The following EPM2A variants were observed in gnomAD, a reference collection of about 807,000 sequenced individuals.
The protein encoded by EPM2A is EPM2A glucan phosphatase, laforin, also known as laforin.
A neutral mutation model predicts 26.5 loss-of-function variants in EPM2A; 21 were observed. That is an observed-to-expected ratio of 0.79 (90% confidence interval 0.56 to 1.14). The LOEUF (loss-of-function observed/expected upper bound fraction) is 1.14, where lower values mean the gene tolerates loss of function less well. EPM2A is among the 50% of genes most tolerant of loss of function. The pLI is 0.00. For synonymous variants in EPM2A, 217 were observed against 177.6 expected (o/e 1.22, Z -1.76); for missense variants, 458 against 440.8 (o/e 1.04, Z -0.35).
intron 2 of EPM2A, among the ~76,000 whole-genome samples, chr6:145,589,261 G>T (rs140676245): frequency 6.6e-6 from 1 of 152,070 alleles, no homozygotes; most frequent in African/African-American, 2.4e-5. Flanking sequence ...CTTGGAAGAG[G>T]CTGTTCATTA....
intron 2 of EPM2A, among the ~76,000 whole-genome samples, chr6:145,535,415 G>A (rs1384129852): frequency 1.3e-5 from 2 of 152,116 alleles, no homozygotes; most frequent in Non-Finnish European, 2.9e-5. Context: ...TACATTGAAA[G>A]GTTATAATTT....
chr6:145,698,296 T>C (rs984817458), intron 1 of EPM2A, among the ~76,000 whole-genome samples: 2 of 152,212 alleles, frequency 1.3e-5, no homozygotes, highest in African/African-American at 2.4e-5. Context: ...CTTGAGACAG[T>C]TGTTTAGCAG....
chr6:145,606,148 T>G (rs1775252176), intron 2 of EPM2A, among the ~76,000 whole-genome samples: 1 of 152,044 alleles, frequency 6.6e-6, no homozygotes, highest in Admixed American at 6.6e-5. Context: ...CAGAAAAGTT[T>G]TACTCCACAT....
At chr6:145,426,760 T>C (rs1050163664) in intron 4 of EPM2A, among the ~76,000 whole-genome samples, 1 of 152,184 alleles carries the variant, frequency 6.6e-6, no homozygotes, top group African/African-American at 2.4e-5. Flanking sequence ...TAAAATATTT[T>C]ACATGTGGCT....
intron 4 of EPM2A, among the ~76,000 whole-genome samples, chr6:145,436,604 C>CT (rs201004930): frequency 1.1e-4 from 17 of 151,860 alleles, no homozygotes; most frequent in South Asian, 4.2e-4. Flanking sequence ...TGATGTTGAG[C>CT]TTTTTTTTGT....
intron 2 of EPM2A, among the ~76,000 whole-genome samples, chr6:145,658,882 T>G (rs755728257): frequency 6.6e-6 from 1 of 152,192 alleles, no homozygotes; most frequent in Non-Finnish European, 1.5e-5. Flanking sequence ...ATTGTGTTTG[T>G]AAATATTTGT....
chr6:145,561,001 C>A (rs1265519215), intron 2 of EPM2A, among the ~76,000 whole-genome samples: 4 of 151,976 alleles, frequency 2.6e-5, no homozygotes, highest in African/African-American at 9.7e-5. Context: ...CAGATTTATT[C>A]TGTAATTTGG....
chr6:145,491,981 GGAT>G (rs1165396230), intron 4 of EPM2A: 1 of 441,540 alleles, frequency 2.3e-6, no homozygotes, highest in Non-Finnish European at 4.4e-6. Context: ...TTGACAATCA[GGAT>G]GATGTCAGTA....
chr6:145,582,969 A>C (rs2114838121), intron 2 of EPM2A, among the ~76,000 whole-genome samples: 1 of 152,326 alleles, frequency 6.6e-6, no homozygotes, highest in African/African-American at 2.4e-5. Context: ...CAGTTTCATT[A>C]CAACATTCTT....
At chr6:145,619,861 C>T (rs978345887) in intron 2 of EPM2A, among the ~76,000 whole-genome samples, 1 of 152,020 alleles carries the variant, frequency 6.6e-6, no homozygotes, top group East Asian at 1.9e-4. Flanking sequence ...AGGAGGAAGA[C>T]ATAATTATAA....
At chr6:145,549,385 T>C (rs1780624835) in intron 2 of EPM2A, among the ~76,000 whole-genome samples, 1 of 152,160 alleles carries the variant, frequency 6.6e-6, no homozygotes, top group Non-Finnish European at 1.5e-5. Flanking sequence ...ATTGTTTTCA[T>C]GATTTATACA....
chr6:145,689,590 A>G (rs1311156524), intron 1 of EPM2A, among the ~76,000 whole-genome samples: 1 of 152,226 alleles, frequency 6.6e-6, no homozygotes, highest in Non-Finnish European at 1.5e-5. Context: ...AAAAGAAAAC[A>G]TGACAAAAGT....
intron 2 of EPM2A, among the ~76,000 whole-genome samples, chr6:145,592,873 CAA>C (rs1781293484): frequency 1.3e-5 from 2 of 151,432 alleles, no homozygotes; most frequent in South Asian, 4.2e-4. Flanking sequence ...AAGGAAAGCA[CAA>C]AAAGAAGGTA....
At chr6:145,397,670 T>C (rs574482869) in intron 4 of EPM2A, among the ~76,000 whole-genome samples, 41 of 152,264 alleles carry the variant, frequency 2.7e-4, no homozygotes, top group African/African-American at 9.9e-4. Flanking sequence ...TTACATATAC[T>C]GGAAAATACA....
At chr6:145,512,666 G>A (rs759151397) in intron 2 of EPM2A, among the ~76,000 whole-genome samples, 2 of 123,960 alleles carry the variant, frequency 1.6e-5, no homozygotes, top group Non-Finnish European at 3.1e-5. Flanking sequence ...AGCCGAGATC[G>A]CACCACTGTA....
intron 2 of EPM2A, among the ~76,000 whole-genome samples, chr6:145,521,117 C>A (rs1373862917): frequency 1.3e-5 from 2 of 152,112 alleles, no homozygotes; most frequent in African/African-American, 4.8e-5. Context: ...GGAATGCTTT[C>A]AACAGGAGTG....
intron 1 of EPM2A, among the ~76,000 whole-genome samples, chr6:145,692,185 G>A (rs962379066): frequency 5.3e-5 from 8 of 151,984 alleles, no homozygotes; most frequent in African/African-American, 1.4e-4. Flanking sequence ...CTTTAACTGT[G>A]TATATATCAA....
chr6:145,456,980 A>G (rs1373834032), intron 4 of EPM2A, among the ~76,000 whole-genome samples: 2 of 152,216 alleles, frequency 1.3e-5, no homozygotes, highest in Non-Finnish European at 2.9e-5. Context: ...ATTCAAATAG[A>G]CTATGAGAAC....
In EPM2A at chr6:145,558,124, G is replaced by A. The variant is rs1032750821; in HGVS notation, c.341-55549C>T. On this transcript the variant is annotated intron_variant, in intron 2 of 3. Transcript: ENST00000450221. Reference sequence around the variant, plus strand: ...TTTCCTTCTTTATTAAGGCTGAATAGTATTCTATTATTTATATATACTACA... The same window carrying A: ...TTTCCTTCTTTATTAAGGCTGAATAATATTCTATTATTTATATATACTACA... Among the ~76,000 whole-genome samples the A allele has an allele frequency of 5.5e-4, 83 of 152,104 alleles. 1 individual carries two copies. The highest frequency in any genetic ancestry group is 8.5e-4 in the Admixed American group (13 of 15,260).
Sources: gnomAD v4.1 joint callset for allele counts (sites outside exome capture counted in the v4.1 genomes callset) on GRCh38, gnomAD v4.1.1 for gene constraint, MANE v1.5 for transcripts, NCBI Gene and HGNC (gene_info 2026-07-23, HGNC 2026-07-21) for gene names.